ZBTB21: variants seen among roughly 807,000 people sequenced by gnomAD.
ZBTB21 encodes the protein zinc finger and BTB domain-containing protein 21.
Under a neutral mutation model 39.8 loss-of-function variants are expected in ZBTB21, and 10 were observed. The ratio of observed to expected loss-of-function variants is 0.25; its 90% confidence interval spans 0.16 to 0.43. ZBTB21 has a LOEUF of 0.43. ZBTB21 is among the 20% of genes least tolerant of loss of function. The pLI, the probability that ZBTB21 is intolerant of heterozygous loss-of-function variation, is 1.00. For synonymous variants in ZBTB21, 551 were observed against 498.8 expected, an observed-to-expected ratio of 1.10 and a Z score of -1.40; for missense variants, 1,221 against 1,296.3, an observed-to-expected ratio of 0.94 and a Z score of 0.89.
Position 41,991,182 on chromosome 21 carries a change from A to G in ZBTB21, c.2914T>C (p.Ser972Pro). 1.2e-6 allele frequency: 2 copies of G among 1,614,112 alleles called. No individual in the cohort carries two copies. The highest frequency in any genetic ancestry group is 1.7e-6 in the Non-Finnish European group (2 of 1,180,020). ...TTTGTGGGAACAGGGCACACCTCAG[A>G]TTCCTTATGTGCCGATTCCTCTGAA... ...QASEESAHKE[S>P]EVCPVPTNSP... is the part of the protein sequence containing the mutation. Residue 972 changes from serine (S) to proline (P), a missense_variant, in exon 3 of 3, where the codon TCT becomes CCT. Around this residue, in one of 4 missense-constraint regions of ZBTB21, gnomAD observed 523 missense variants for 542.5 expected, o/e 0.96. Transcript: ENST00000310826. The surrounding 1 kb of genome is among the most constrained non-coding windows in gnomAD (Gnocchi z 4.9).
intron 1 of ZBTB21, among the ~76,000 whole-genome samples, chr21:42,006,008 C>A (rs540958651): frequency 1.3e-5 from 2 of 152,292 alleles, no homozygotes; most frequent in South Asian, 4.1e-4. Context: ...ATGAAGAGAA[C>A]CAGCTTTGAT....
At chr21:42,000,660 C>G (rs759536332) in intron 2 of ZBTB21, among the ~76,000 whole-genome samples, 43 of 152,190 alleles carry the variant, frequency 2.8e-4, no homozygotes, top group Non-Finnish European at 5.9e-4. Context: ...ATCATGATCC[C>G]TATTTCTGCT....
intron 1 of ZBTB21, among the ~76,000 whole-genome samples, chr21:42,008,520 C>T (rs544152600): frequency 2.8e-5 from 2 of 70,446 alleles, no homozygotes; most frequent in South Asian, 4.6e-4. Context: ...CAGCCTGGGG[C>T]AACAAGAGTG....
At position 41,993,283 on chromosome 21, in the gene ZBTB21, A is replaced by C; in HGVS notation, c.813T>G (p.Ala271=). Residue 271 remains alanine (A), a synonymous_variant, in exon 3 of 3, where the codon GCT becomes GCG. Transcript: ENST00000310826. ...AAACAGGTGGCCGTGGTCTCTTCAA[A>C]GCCAGCTCTAGAGCTTTTCCTTTTG... ...QLPKGKALEL[A]LKRPRPPVLS... is the part of the protein sequence containing the mutation. 2 of 1,612,900 alleles carry C rather than the reference A, an allele frequency of 1.2e-6. No homozygotes were observed. The highest frequency in any genetic ancestry group is 1.7e-6 in the Non-Finnish European group (2 of 1,180,018).
At chr21:42,004,682 C>T (rs966093674) in intron 1 of ZBTB21, among the ~76,000 whole-genome samples, 8 of 152,150 alleles carry the variant, frequency 5.3e-5, no homozygotes, top group African/African-American at 1.7e-4. Context: ...ACTCTGGGAA[C>T]ATGGGTCCTT....
rs749409453 is a variant in ZBTB21 at position 41,991,415 on chromosome 21, C to T, written c.2681G>A (p.Ser894Asn). 5 of 1,611,364 alleles carry T rather than the reference C, an allele frequency of 3.1e-6. No individual in the cohort carries two copies. Among genetic ancestry groups the T allele is most frequent in the Non-Finnish European group, 4.2e-6 (5 of 1,178,998 alleles). ...AGGACCCGCTTCTTTGGGGGCTGTGCTGGCCTCGGGTGCCTCTTCTTCAGC... is the reference window on the plus strand; with the variant it reads ...AGGACCCGCTTCTTTGGGGGCTGTGTTGGCCTCGGGTGCCTCTTCTTCAGC... ...EEAEEEAPEASTAPKEAGPSK... is the reference protein window; with the variant it reads ...EEAEEEAPEANTAPKEAGPSK... Residue 894 changes from serine to asparagine, a missense_variant, in exon 3 of 3, where the codon AGC becomes AAC. Transcript: ENST00000310826. This position sits in a 1 kb window ranked among gnomAD's most constrained non-coding sequence, Gnocchi z 4.9.
chr21:41,995,024 C>A (rs909249771), intron 2 of ZBTB21, among the ~76,000 whole-genome samples: 3 of 152,224 alleles, frequency 2.0e-5, no homozygotes, highest in African/African-American at 7.2e-5. Flanking sequence ...TCCCCAACCA[C>A]GTGGAACTGT....
chr21:42,001,596 G>C (rs1383032295), intron 2 of ZBTB21, among the ~76,000 whole-genome samples: 1 of 152,216 alleles, frequency 6.6e-6, no homozygotes, highest in Non-Finnish European at 1.5e-5. Flanking sequence ...GTTCTACGAA[G>C]AAAGTTTTAT....
intron 1 of ZBTB21, among the ~76,000 whole-genome samples, chr21:42,010,040 T>G (rs549039323): frequency 3.9e-5 from 6 of 152,268 alleles, no homozygotes; most frequent in East Asian, 1.9e-4. Flanking sequence ...GAAGGTACAA[T>G]CGGCTACGTG....
rs1177929644 is a variant in ZBTB21, at chr21:41,993,605, C to T, written c.491G>A (p.Ser164Asn). Residue 164 changes from serine (S) to asparagine (N), a missense_variant, in exon 3 of 3, where the codon AGT becomes AAT. Transcript: ENST00000310826. The stretch of plus-strand genomic sequence containing the variant: ...ATGGCTTACATCGGGTTGATTTTGA[C>T]TAACAGTTTTTCCTTGCGCTTCGTT... ...SRNEAQGKTV[S>N]QNQPDVSHTS... 3.7e-6 allele frequency: 6 copies of T among 1,614,110 alleles called. No homozygotes were observed. The highest frequency in any genetic ancestry group is 2.7e-5 in the African/African-American group (2 of 74,938).
chr21:41,989,141 TAAGA>T lies in ZBTB21; in HGVS notation c.*1750_*1753del, dbSNP rs1286795691. 2 of 152,258 alleles carry T rather than the reference TAAGA, an allele frequency of 1.3e-5. No individual in the cohort carries two copies. Among genetic ancestry groups the T allele is most frequent in the Admixed American group, 6.5e-5 (1 of 15,294 alleles). The allele number at this position is 152,258 out of a possible 1,614,324, so 9.4% of individuals were successfully genotyped here. ...TTTATTTTCCCTTCTCCATCAAATT[TAAGA>T]AAGAATAGGAAGTTAACTACTAAAA... On this transcript the variant is annotated 3_prime_UTR_variant, in exon 3 of 3. Transcript: ENST00000310826.
intron 1 of ZBTB21, among the ~76,000 whole-genome samples, chr21:42,009,034 T>C (rs1601663416): frequency 6.6e-6 from 1 of 152,218 alleles, no homozygotes; most frequent in East Asian, 1.9e-4. Flanking sequence ...AGCTGCTTAA[T>C]TGAGGACTCA....
intron 2 of ZBTB21, among the ~76,000 whole-genome samples, chr21:41,996,210 C>A (rs1002895226): frequency 6.6e-6 from 1 of 152,282 alleles, no homozygotes; most frequent in South Asian, 2.1e-4. Flanking sequence ...GTAGATACGT[C>A]GACAGCTGGC....
At chr21:42,003,592 C>T (rs924563717) in intron 1 of ZBTB21, among the ~76,000 whole-genome samples, 6 of 152,086 alleles carry the variant, frequency 3.9e-5, no homozygotes, top group Non-Finnish European at 8.8e-5. Context: ...TCCAAAAACC[C>T]AAAACTACTT....
rs1281337729 is a variant in ZBTB21 at position 42,010,267 on chromosome 21, A to G, written c.-94T>C. ...AGTTACTCACCGGTCTTCAGTCTCGAGGCAGACGCCGGGCCCCTTTCCGCT... is the reference window on the plus strand; with the variant it reads ...AGTTACTCACCGGTCTTCAGTCTCGGGGCAGACGCCGGGCCCCTTTCCGCT... On this transcript the variant is annotated 5_prime_UTR_variant, in exon 1 of 3. Transcript: ENST00000310826. 11 of 398,284 alleles carry G rather than the reference A, an allele frequency of 2.8e-5. No homozygotes were observed. Among genetic ancestry groups the G allele is most frequent in the Non-Finnish European group, 4.4e-5 (10 of 225,920 alleles). 24.7% of individuals were successfully genotyped at this position (398,284 alleles called of 1,614,324 possible). A position where few individuals can be genotyped will look rare whatever the true frequency, so the allele number is the denominator to read the frequency against.
chr21:41,990,738 C>T lies in ZBTB21; in HGVS notation c.*157G>A, dbSNP rs2065638323. ...TGTATTTCTAAAGTTAAGGACATTA[C>T]TAAGTAATTATCAATTTGCCTCCAA... On this transcript the variant is annotated 3_prime_UTR_variant, in exon 3 of 3. Coordinates refer to ENST00000310826, the MANE Select transcript of ZBTB21 (RefSeq NM_001098402.2). The T allele has an allele frequency of 2.4e-5, 16 of 655,524 alleles. No individual in the cohort carries two copies. The South Asian group carries it at 6.2e-4, about 25-fold the overall frequency. The allele number at this position is 655,524 out of a possible 1,614,324, so 40.6% of individuals were successfully genotyped here. A position where few individuals can be genotyped will look rare whatever the true frequency, so the allele number is the denominator to read the frequency against.
chr21:41,990,815 T>C lies in ZBTB21; in HGVS notation c.*80A>G. 1.5e-6 allele frequency: 2 copies of C among 1,316,106 alleles called. No individual in the cohort carries two copies. The highest frequency in any genetic ancestry group is 2.0e-4 in the Middle Eastern group (1 of 5,108). The allele number at this position is 1,316,106 out of a possible 1,614,324, so 81.5% of individuals were successfully genotyped here. On this transcript the variant is annotated 3_prime_UTR_variant, in exon 3 of 3. Transcript: ENST00000310826. ...ACCTTTATTATTCTTGTTTAAAAAATATTTTGTTTCTTATGACACATTTCA... is the reference window on the plus strand; with the variant it reads ...ACCTTTATTATTCTTGTTTAAAAAACATTTTGTTTCTTATGACACATTTCA...
chr21:42,008,342 C>CAA (rs767411984), intron 1 of ZBTB21, among the ~76,000 whole-genome samples: 1,809 of 54,270 alleles, frequency 0.033, 340 homozygotes, highest in East Asian at 0.079. Context: ...CCCGTCTCTA[C>CAA]AAAAAAAAAA....
intron 2 of ZBTB21, among the ~76,000 whole-genome samples, chr21:41,997,925 C>T (rs2146308931): frequency 6.6e-6 from 1 of 151,934 alleles, no homozygotes; most frequent in African/African-American, 2.4e-5. Flanking sequence ...TGTGGCAGAT[C>T]CCTCACCTGA....
Sources: allele counts gnomAD v4.1 joint callset (sites outside exome capture counted in the v4.1 genomes callset), GRCh38; gene constraint gnomAD v4.1.1; regional missense constraint gnomAD v4.1.1; non-coding constraint Gnocchi (gnomAD v3.1); transcripts MANE v1.5; gene names NCBI Gene and HGNC (gene_info 2026-07-23, HGNC 2026-07-21).